RHBDD1: variants seen among roughly 807,000 people sequenced by gnomAD.
RHBDD1 encodes the protein rhomboid-related protein 4.
A neutral mutation model predicts 36.3 loss-of-function variants in RHBDD1; 38 were observed. The observed-to-expected ratio is 1.05, with a 90% CI of 0.81 to 1.37. RHBDD1 has a LOEUF of 1.37. RHBDD1 is among the 40% of genes most tolerant of loss of function. The pLI is 0.00. For synonymous variants in RHBDD1, 151 were observed against 136.5 expected, an observed-to-expected ratio of 1.11 and a Z score of -0.74; for missense variants, 393 against 377.6, an observed-to-expected ratio of 1.04 and a Z score of -0.34.
chr2:226,887,621 A>G (rs1946342976), intron 5 of RHBDD1, among the ~76,000 whole-genome samples: 1 of 152,264 alleles, frequency 6.6e-6, no homozygotes, highest in South Asian at 2.1e-4. Context: ...AATGAAAGAC[A>G]GTGTGTACAG....
At chr2:226,934,829 A>T (rs1460439428) in intron 8 of RHBDD1, among the ~76,000 whole-genome samples, 2 of 150,922 alleles carry the variant, frequency 1.3e-5, no homozygotes, top group African/African-American at 2.4e-5. Flanking sequence ...CCAACCCCAC[A>T]TCCCTCTGTG....
At chr2:226,858,036 C>T (rs1406448995) in intron 3 of RHBDD1, among the ~76,000 whole-genome samples, 2 of 152,118 alleles carry the variant, frequency 1.3e-5, no homozygotes, top group African/African-American at 2.4e-5. Context: ...TCAAGGTCAT[C>T]GCCAAGGTCT....
At chr2:226,881,835 A>G (rs1945765062) in intron 5 of RHBDD1, among the ~76,000 whole-genome samples, 1 of 152,160 alleles carries the variant, frequency 6.6e-6, no homozygotes, top group Non-Finnish European at 1.5e-5. Flanking sequence ...GAAATGGGAC[A>G]TTTCTAACAT....
intron 8 of RHBDD1, among the ~76,000 whole-genome samples, chr2:226,973,694 G>C (rs1355553831): frequency 6.6e-6 from 1 of 152,170 alleles, no homozygotes; most frequent in Non-Finnish European, 1.5e-5. Context: ...ATTCTTGGAA[G>C]CAGCAAGCAT....
At chr2:226,813,480 G>A in the RHBDD1 span, among the ~76,000 whole-genome samples, 1 of 152,140 alleles carries the variant, frequency 6.6e-6, no homozygotes, top group African/African-American at 2.4e-5. Flanking sequence ...TTTGTTGGAT[G>A]TCCACCCAGC....
At chr2:226,865,494 T>A (rs992574807) in intron 4 of RHBDD1, among the ~76,000 whole-genome samples, 1 of 152,046 alleles carries the variant, frequency 6.6e-6, no homozygotes, top group East Asian at 1.9e-4. Flanking sequence ...TGTCTCTGAT[T>A]ACCAACTTGT....
chr2:226,828,346 C>CAGT, the RHBDD1 span, among the ~76,000 whole-genome samples: 1 of 152,130 alleles, frequency 6.6e-6, no homozygotes, highest in African/African-American at 2.4e-5. Flanking sequence ...GGATTGTTTA[C>CAGT]AGTTTTGCCT....
At chr2:226,833,107 T>C (rs183453004), upstream of RHBDD1, among the ~76,000 whole-genome samples, 4 of 152,374 alleles carry the variant, frequency 2.6e-5, no homozygotes, top group East Asian at 1.9e-4. Flanking sequence ...TTGGTATTAT[T>C]ATCACTATGG....
intron 5 of RHBDD1, among the ~76,000 whole-genome samples, chr2:226,882,851 C>T (rs559206818): frequency 6.6e-6 from 1 of 152,250 alleles, no homozygotes; most frequent in African/African-American, 2.4e-5. Context: ...AGGTTGCCAT[C>T]ATGGTTGGTT....
intron 8 of RHBDD1, among the ~76,000 whole-genome samples, chr2:226,994,487 C>A (rs527900126): frequency 1.3e-5 from 2 of 152,180 alleles, no homozygotes; most frequent in African/African-American, 4.8e-5. Flanking sequence ...AGTAAGACTT[C>A]TGGTTGATGT....
chr2:226,835,203 G>A (rs758236899), upstream of RHBDD1, among the ~76,000 whole-genome samples: 7 of 152,178 alleles, frequency 4.6e-5, no homozygotes, highest in African/African-American at 7.2e-5. Flanking sequence ...GAGTTACCGC[G>A]CCCGGCTGTA....
At chr2:226,802,201 C>A in the RHBDD1 span, among the ~76,000 whole-genome samples, 102 of 152,242 alleles carry the variant, frequency 6.7e-4, no homozygotes, top group East Asian at 3.1e-3. Flanking sequence ...AAAAATATAT[C>A]TCTCAGTGTT....
At chr2:226,976,490 C>T (rs1954606013) in intron 8 of RHBDD1, among the ~76,000 whole-genome samples, 1 of 152,028 alleles carries the variant, frequency 6.6e-6, no homozygotes, top group Non-Finnish European at 1.5e-5. Context: ...GAAACCCTCC[C>T]CTGCCTTTTC....
intron 8 of RHBDD1, among the ~76,000 whole-genome samples, chr2:226,919,080 C>G (rs897943373): frequency 2.0e-5 from 3 of 151,996 alleles, no homozygotes; most frequent in Non-Finnish European, 2.9e-5. Flanking sequence ...TATTGAGAAC[C>G]TTTTCATATG....
the RHBDD1 span, among the ~76,000 whole-genome samples, chr2:226,812,647 C>CTCTCTTTTTTT: frequency 0.041 from 6,134 of 150,254 alleles, 199 homozygotes; most frequent in East Asian, 0.12. Flanking sequence ...CTCTCTCTCT[C>CTCTCTTTTTTT]TTTTTTTTTG....
intron 5 of RHBDD1, among the ~76,000 whole-genome samples, chr2:226,872,944 C>T (rs977770190): frequency 6.6e-6 from 1 of 152,126 alleles, no homozygotes; most frequent in African/African-American, 2.4e-5. Flanking sequence ...CATATATGTT[C>T]CTGATGTGGG....
chr2:226,876,227 G>A (rs992668535), intron 5 of RHBDD1, among the ~76,000 whole-genome samples: 1 of 152,220 alleles, frequency 6.6e-6, no homozygotes, highest in Non-Finnish European at 1.5e-5. Flanking sequence ...TTTAGGACAG[G>A]AGGCCAGGAA....
intron 8 of RHBDD1, among the ~76,000 whole-genome samples, chr2:226,939,863 A>G (rs927972745): frequency 9.8e-5 from 15 of 152,306 alleles, no homozygotes; most frequent in Middle Eastern, 6.8e-3. Flanking sequence ...CCAACTTCAA[A>G]CTATGCTACA....
chr2:226,928,572 A>G (rs1036309181), intron 8 of RHBDD1, among the ~76,000 whole-genome samples: 1 of 152,074 alleles, frequency 6.6e-6, no homozygotes, highest in Admixed American at 6.6e-5. Flanking sequence ...CAAATTGACA[A>G]TCTAATGTCA....
Sources: gnomAD v4.1 joint callset for allele counts (sites outside exome capture counted in the v4.1 genomes callset) on GRCh38, gnomAD v4.1.1 for gene constraint, MANE v1.5 for transcripts, NCBI Gene and HGNC (gene_info 2026-07-23, HGNC 2026-07-21) for gene names.